TBXAS1: variants seen among roughly 807,000 people sequenced by gnomAD.
The protein encoded by TBXAS1 is thromboxane A synthase 1.
A neutral mutation model predicts 60.7 loss-of-function variants in TBXAS1; 48 were observed. The observed-to-expected ratio is 0.79, with a 90% CI of 0.63 to 1.01. TBXAS1 has a LOEUF of 1.01. TBXAS1 is among the 50% of genes least tolerant of loss of function. TBXAS1 has a pLI of 0.00. For missense variants in TBXAS1, 685 were observed against 686.3 expected, an observed-to-expected ratio of 1.00 and a Z score of 0.02; for synonymous variants, 287 against 269.7, an observed-to-expected ratio of 1.06 and a Z score of -0.63.
At chr7:139,955,717 C>A in intron 7 of TBXAS1, 110 bp downstream of exon 7, 1 of 1,507,754 alleles carries the variant, frequency 6.6e-7, no homozygotes, top group Non-Finnish European at 9.1e-7. Context: ...GGAAAGGGCA[C>A]TCGGGTTGTT....
chr7:139,779,858 G>A (rs983941904), intron 1 of TBXAS1, among the ~76,000 whole-genome samples: 2 of 152,166 alleles, frequency 1.3e-5, no homozygotes, highest in Non-Finnish European at 2.9e-5. Flanking sequence ...TGGTTTACTT[G>A]TAGCCCAGTG....
intron 5 of TBXAS1, chr7:139,952,432 G>A: frequency 8.2e-7 from 1 of 1,219,784 alleles, no homozygotes; most frequent in Non-Finnish European, 1.1e-6. Flanking sequence ...CTAAACATAG[G>A]TTACATTTTA....
chr7:139,876,562 C>CTATCTCCATAG (rs1251090027), intron 3 of TBXAS1, among the ~76,000 whole-genome samples: 3 of 152,096 alleles, frequency 2.0e-5, no homozygotes, highest in African/African-American at 7.2e-5. Context: ...TTTGGGGGTC[C>CTATCTCCATAG]TATCTCCATA....
In TBXAS1 at chr7:139,875,566, A is replaced by G; in HGVS notation, c.184-19A>G. 1.2e-6 allele frequency: 2 copies of G among 1,610,760 alleles called. No individual in the cohort carries two copies. Among genetic ancestry groups the G allele is most frequent in the Non-Finnish European group, 1.7e-6 (2 of 1,176,904 alleles). On this transcript the variant is annotated intron_variant, in intron 2 of 12. Transcript: ENST00000448866. ...TTTTGCTTAATCTTATTCTTACTATAGTGCTGTGTTTCCTTCAGGGTTTTT... is the reference window on the plus strand; with the variant it reads ...TTTTGCTTAATCTTATTCTTACTATGGTGCTGTGTTTCCTTCAGGGTTTTT...
chr7:139,803,437 A>G (rs1420600046), intron 4 of TBXAS1, among the ~76,000 whole-genome samples: 3 of 152,208 alleles, frequency 2.0e-5, no homozygotes, highest in African/African-American at 4.8e-5. Flanking sequence ...AGAGCATGAA[A>G]GTTTGGAAAA....
intron 4 of TBXAS1, among the ~76,000 whole-genome samples, chr7:139,822,265 T>C (rs949987065): frequency 6.0e-5 from 9 of 150,188 alleles, no homozygotes; most frequent in Admixed American, 1.3e-4. Context: ...CTTATACTCT[T>C]TCTCTCTCTC....
chr7:140,010,421 C>T (rs1180101828), intron 10 of TBXAS1, among the ~76,000 whole-genome samples: 3 of 152,202 alleles, frequency 2.0e-5, no homozygotes, highest in Non-Finnish European at 4.4e-5. Context: ...AGGTGACTCC[C>T]GGATGCTGTG....
chr7:139,814,131 G>A (rs1798091067), intron 4 of TBXAS1, among the ~76,000 whole-genome samples: 1 of 152,168 alleles, frequency 6.6e-6, no homozygotes, highest in African/African-American at 2.4e-5. Context: ...GAAAGAAGTA[G>A]CGTTTGAGCC....
At chr7:139,979,161 A>G (rs41712) in intron 9 of TBXAS1, among the ~76,000 whole-genome samples, 143,521 of 152,128 alleles carry the variant, frequency 0.94, 67,784 homozygotes, top group African/African-American at 0.96. Context: ...CTGGCACACC[A>G]CTAGGAATTC....
chr7:139,982,237 A>C (rs1449074319), intron 9 of TBXAS1, among the ~76,000 whole-genome samples: 1 of 152,250 alleles, frequency 6.6e-6, no homozygotes, highest in Admixed American at 6.5e-5. Flanking sequence ...TGGTTATATT[A>C]ATATTTTTAT....
intron 4 of TBXAS1, among the ~76,000 whole-genome samples, chr7:139,935,609 A>AGCCTGCCTTGTTTGTCTTCAGGGAACCCC (rs1569515693): frequency 6.6e-6 from 1 of 152,194 alleles, no homozygotes; most frequent in African/African-American, 2.4e-5. Flanking sequence ...TGAGAAAAAA[A>AGCCTGCCTTGTTTGTCTTCAGGGAACCCC]TGAATGACCA....
At chr7:139,983,306 GACATAAGAAAAACATAGAAACATAAAA>G (rs1812096070) in intron 9 of TBXAS1, among the ~76,000 whole-genome samples, 1 of 152,086 alleles carries the variant, frequency 6.6e-6, no homozygotes, top group Non-Finnish European at 1.5e-5. Context: ...TGCCATCTGT[GACATAAGAAAAACATAGAAACATAAAA>G]ACATAAGAAA....
At chr7:139,918,614 T>G (rs148498317) in intron 4 of TBXAS1, among the ~76,000 whole-genome samples, 1 of 152,210 alleles carries the variant, frequency 6.6e-6, no homozygotes, top group Non-Finnish European at 1.5e-5. Context: ...TTGGGGCTGA[T>G]AGAAGCACAG....
rs1365436504 is a variant in TBXAS1, at chr7:139,894,100, T to C, written c.237-17125T>C. ...GTGGAGAATAGCTGCCCCAGCGCCA[T>C]TCTTGAGAGGTAGAGCACAGCTTGA... On this transcript the variant is annotated intron_variant, in intron 3 of 12. Coordinates refer to ENST00000448866, the MANE Select transcript of TBXAS1 (RefSeq NM_001061.7). 2.6e-5 allele frequency among the ~76,000 whole-genome samples: 4 copies of C among 152,138 alleles called. No individual in the cohort carries two copies. The East Asian group carries it at 7.7e-4, about 29-fold the overall frequency.
chr7:139,942,293 A>G lies in TBXAS1; in HGVS notation c.450+5986A>G, dbSNP rs2299895. Among the ~76,000 whole-genome samples the G allele has an allele frequency of 7.1e-4, 108 of 152,364 alleles. No individual in the cohort carries two copies. In the East Asian group the frequency reaches 0.02, roughly 28 times the overall value. The stretch of plus-strand genomic sequence containing the variant: ...TTCACCATGTACCTGAGCATATGAA[A>G]GGCTTGAGAAAGGCCTGCAGTAAAG... On this transcript the variant is annotated intron_variant, in intron 5 of 12. Coordinates refer to ENST00000448866, the MANE Select transcript of TBXAS1 (RefSeq NM_001061.7).
chr7:139,955,632 G>A (rs375316108), intron 7 of TBXAS1, 25 bp downstream of exon 7: 15 of 1,613,152 alleles, frequency 9.3e-6, no homozygotes, highest in East Asian at 2.2e-5. Flanking sequence ...AGCCCGGGGC[G>A]CTGCGATGAC....
intron 8 of TBXAS1, 25 bp downstream of exon 8, chr7:139,957,789 C>A: frequency 6.2e-7 from 1 of 1,613,816 alleles, no homozygotes; most frequent in Non-Finnish European, 8.5e-7. Context: ...TAGGACACAG[C>A]CTTGAAATGG....
At chr7:139,829,251 A>T (rs973973587), upstream of TBXAS1, 1 of 754,034 alleles carries the variant, frequency 1.3e-6, no homozygotes, top group Non-Finnish European at 2.3e-6. Context: ...GAAAGAGCAC[A>T]TTGTGGGGGC....
chr7:139,857,451 CT>C (rs1800658142), intron 1 of TBXAS1, among the ~76,000 whole-genome samples: 1 of 151,974 alleles, frequency 6.6e-6, no homozygotes. Flanking sequence ...GGAACTTTGT[CT>C]GGTTAAATTT....
Sources: gnomAD v4.1 joint callset for allele counts (sites outside exome capture counted in the v4.1 genomes callset) on GRCh38, gnomAD v4.1.1 for gene constraint, MANE v1.5 for transcripts, NCBI Gene and HGNC (gene_info 2026-07-23, HGNC 2026-07-21) for gene names.